SEM1: variants seen among roughly 807,000 people sequenced by gnomAD.
SEM1 encodes SEM1 26S proteasome subunit.
In SEM1, 3 loss-of-function variants were observed where a neutral mutation model predicts 12.7. The ratio of observed to expected loss-of-function variants is 0.24; its 90% CI spans 0.11 to 0.61. The LOEUF (loss-of-function observed/expected upper bound fraction) is 0.61. Among genes scored for constraint, SEM1 ranks in the 20% least tolerant of loss-of-function variants. The probability of loss-of-function intolerance (pLI) is 0.88; values close to 1 mark genes in which losing one functional copy is unlikely to be tolerated. For synonymous variants in SEM1, 30 were observed against 27.8 expected, an observed-to-expected ratio of 1.08 and a Z score of -0.25; for missense variants, 59 against 81.3, an observed-to-expected ratio of 0.73 and a Z score of 1.06.
At position 96,632,103 on chromosome 7, in the gene SEM1, G is replaced by A. The variant is rs558058791; in HGVS notation, c.171-9460C>T. ...AAATAGGAACGCTTTTACACTGTTG[G>A]TGGGAGTGTAAATTAGTTCAACCAT... On this transcript the variant is annotated intron_variant, in intron 2 of 2. Coordinates refer to the SEM1 transcript ENST00000417009. 3.3e-5 allele frequency among the ~76,000 whole-genome samples: 5 copies of A among 152,314 alleles called. No homozygotes were observed. The East Asian group carries it at 9.6e-4, about 29-fold the overall frequency.
At chr7:96,593,313 C>T (rs1806892522) in intron 2 of SEM1, among the ~76,000 whole-genome samples, 1 of 152,232 alleles carries the variant, frequency 6.6e-6, no homozygotes, top group Non-Finnish European at 1.5e-5. Flanking sequence ...CTACACATAC[C>T]CTACATTTCT....
At chr7:96,699,538 A>G (rs1790205554) in intron 1 of SEM1, among the ~76,000 whole-genome samples, 1 of 152,232 alleles carries the variant, frequency 6.6e-6, no homozygotes, top group South Asian at 2.1e-4. Flanking sequence ...GCCACAAACC[A>G]CCTGCATTTG....
chr7:96,665,103 C>G (rs889921128), intron 2 of SEM1, among the ~76,000 whole-genome samples: 2 of 152,156 alleles, frequency 1.3e-5, no homozygotes, highest in African/African-American at 2.4e-5. Flanking sequence ...CCCATAGGCA[C>G]TGGTTTCTCA....
At chr7:96,547,056 A>C (rs1412250274) in intron 2 of SEM1, among the ~76,000 whole-genome samples, 4 of 151,944 alleles carry the variant, frequency 2.6e-5, no homozygotes, top group Middle Eastern at 6.8e-3. Context: ...CTACAAGAAC[A>C]GTGGAAGTCT....
intron 2 of SEM1, among the ~76,000 whole-genome samples, chr7:96,633,745 T>TACTC (rs1442656705): frequency 6.6e-6 from 1 of 152,090 alleles, no homozygotes; most frequent in African/African-American, 2.4e-5. Context: ...GAGGCAAGAA[T>TACTC]ACTCATCATT....
chr7:96,600,012 A>G (rs1807150010), intron 2 of SEM1, among the ~76,000 whole-genome samples: 1 of 152,220 alleles, frequency 6.6e-6, no homozygotes, highest in Non-Finnish European at 1.5e-5. Context: ...TACTGGATTA[A>G]TTTAGACAAA....
At position 96,694,910 on chromosome 7, in the gene SEM1, G is replaced by A. The variant is rs777337124; in HGVS notation, c.77-19C>T. 3 of 1,535,510 alleles carry A rather than the reference G, an allele frequency of 2.0e-6. No individual in the cohort carries two copies. The highest frequency in any genetic ancestry group is 2.7e-6 in the Non-Finnish European group (3 of 1,110,794). On this transcript the variant is annotated intron_variant, in intron 1 of 2. Transcript: ENST00000248566. ...GCCCAGTCTAAAAATAGAAACAGAT[G>A]CTGTCTAAATATTTCTCATACATTA...
At chr7:96,687,526 C>G (rs905119264), downstream of SEM1, among the ~76,000 whole-genome samples, 3 of 151,444 alleles carry the variant, frequency 2.0e-5, no homozygotes, top group African/African-American at 7.3e-5. Context: ...AGTAAACTAT[C>G]GCAAGGACAA....
chr7:96,516,028 T>C (rs1313439303), intron 2 of SEM1, among the ~76,000 whole-genome samples: 1 of 151,680 alleles, frequency 6.6e-6, no homozygotes, highest in Non-Finnish European at 1.5e-5. Context: ...AGTATAATAA[T>C]ACAAAAATCT....
chr7:96,649,789 A>G (rs1298074521), intron 2 of SEM1: 1 of 152,200 alleles, frequency 6.6e-6, no homozygotes. Context: ...TCATCCCCAC[A>G]AACACCCTGT....
chr7:96,561,402 G>A (rs1805687221), intron 2 of SEM1, among the ~76,000 whole-genome samples: 1 of 152,102 alleles, frequency 6.6e-6, no homozygotes, highest in Non-Finnish European at 1.5e-5. Flanking sequence ...CTGCTCTAAT[G>A]GACATCCTGT....
At chr7:96,578,837 T>G (rs1289840861) in intron 2 of SEM1, among the ~76,000 whole-genome samples, 2 of 152,212 alleles carry the variant, frequency 1.3e-5, no homozygotes, top group Non-Finnish European at 2.9e-5. Flanking sequence ...TGAGTACAGA[T>G]GCCCACCCAG....
rs942102465 is a variant in SEM1, at chr7:96,640,375, T to C, written c.171-17732A>G. Among the ~76,000 whole-genome samples the C allele has an allele frequency of 1.3e-5, 2 of 151,962 alleles. No individual in the cohort carries two copies. Among genetic ancestry groups the C allele is most frequent in the Non-Finnish European group, 2.9e-5 (2 of 67,930 alleles). ...AATAAACTGTGGTACATAAAGATAATGGACTATTTTCCAGTGCTAAAAAGA... is the reference window on the plus strand; with the variant it reads ...AATAAACTGTGGTACATAAAGATAACGGACTATTTTCCAGTGCTAAAAAGA... On this transcript the variant is annotated intron_variant, in intron 2 of 2. Transcript: ENST00000417009. The surrounding 1 kb of genome is among the most constrained non-coding windows in gnomAD (Gnocchi z 4.0).
At chr7:96,482,979 AG>A (rs1802605453) in exon 4 of SEM1, 1 of 152,182 alleles carries the variant, frequency 6.6e-6, no homozygotes, top group Non-Finnish European at 1.5e-5. Context: ...GTTCTGGATT[AG>A]TTCAAATTTA....
chr7:96,678,753 T>C (rs935892797), intron 2 of SEM1, among the ~76,000 whole-genome samples: 1 of 152,132 alleles, frequency 6.6e-6, no homozygotes, highest in Non-Finnish European at 1.5e-5. Context: ...AAATGAGATA[T>C]CAAGTTTAAT....
At chr7:96,588,182 A>AAC (rs72578550) in intron 2 of SEM1, among the ~76,000 whole-genome samples, 141,218 of 151,978 alleles carry the variant, frequency 0.93, 66,472 homozygotes, top group East Asian at 1. Context: ...CAGCCTGGGC[A>AAC]ATAGTGAGAC....
chr7:96,525,456 A>C (rs796249999), intron 2 of SEM1, among the ~76,000 whole-genome samples: 3 of 152,220 alleles, frequency 2.0e-5, no homozygotes, highest in African/African-American at 7.2e-5. Context: ...GGCCGGGTAC[A>C]ACTCGGATAG....
At chr7:96,630,359 C>T (rs535225892) in intron 2 of SEM1, among the ~76,000 whole-genome samples, 1 of 152,284 alleles carries the variant, frequency 6.6e-6, no homozygotes, top group Non-Finnish European at 1.5e-5. Context: ...CAGTCCTTCC[C>T]ACTCTTCCCA....
chr7:96,522,667 C>T (rs535563008), intron 2 of SEM1, among the ~76,000 whole-genome samples: 11 of 150,738 alleles, frequency 7.3e-5, no homozygotes, highest in South Asian at 2.1e-4. Flanking sequence ...CATCTGAGGT[C>T]GGGAGTTCGA....
Sources: allele counts gnomAD v4.1 joint callset (sites outside exome capture counted in the v4.1 genomes callset), GRCh38; gene constraint gnomAD v4.1.1; non-coding constraint Gnocchi (gnomAD v3.1); transcripts MANE v1.5; gene names NCBI Gene and HGNC (gene_info 2026-07-23, HGNC 2026-07-21).